FANCL: variants seen among roughly 807,000 people sequenced by gnomAD.
FANCL encodes the protein FA complementation group L.
Under a neutral mutation model 59.4 loss-of-function variants are expected in FANCL, and 69 were observed. The observed-to-expected ratio is 1.16, with a 90% confidence interval of 0.96 to 1.42. The LOEUF is 1.42. Ranked by LOEUF, FANCL falls within the 40% of genes most tolerant of loss-of-function variation. The probability of loss-of-function intolerance (pLI) is 0.00; values close to 1 mark genes in which losing one functional copy is unlikely to be tolerated. For synonymous variants in FANCL, 180 were observed against 147.1 expected, an observed-to-expected ratio of 1.22 and a Z score of -1.62; for missense variants, 519 against 447.2, an observed-to-expected ratio of 1.16 and a Z score of -1.45.
intron 2 of FANCL, among the ~76,000 whole-genome samples, chr2:58,230,901 T>G (rs2103902668): frequency 6.6e-6 from 1 of 151,850 alleles, no homozygotes; most frequent in East Asian, 1.9e-4. Context: ...TCATAACTCC[T>G]TCTTGAATGC....
At chr2:58,184,460 T>G (rs183610870) in intron 7 of FANCL, among the ~76,000 whole-genome samples, 1 of 152,054 alleles carries the variant, frequency 6.6e-6, no homozygotes, top group Non-Finnish European at 1.5e-5. Flanking sequence ...TTAACAGGAA[T>G]AGCAAAACAA....
intron 4 of FANCL, among the ~76,000 whole-genome samples, chr2:58,223,649 G>C (rs1260547897): frequency 6.6e-6 from 1 of 151,936 alleles, no homozygotes; most frequent in South Asian, 2.1e-4. Flanking sequence ...ACAAACAGAA[G>C]TTTTAAATAC....
chr2:58,203,248 A>G (rs1052087159), intron 6 of FANCL, among the ~76,000 whole-genome samples: 2 of 151,906 alleles, frequency 1.3e-5, no homozygotes, highest in African/African-American at 4.8e-5. Context: ...CCACTATAAG[A>G]TATCAACTTT....
chr2:58,186,161 A>T (rs1197056000), intron 7 of FANCL, among the ~76,000 whole-genome samples: 2 of 152,184 alleles, frequency 1.3e-5, no homozygotes, highest in Non-Finnish European at 2.9e-5. Flanking sequence ...TTATAAATTG[A>T]TTTTAAAGAA....
At chr2:58,210,773 G>T (rs1046012439) in intron 5 of FANCL, among the ~76,000 whole-genome samples, 1 of 152,182 alleles carries the variant, frequency 6.6e-6, no homozygotes, top group African/African-American at 2.4e-5. Context: ...CAGGCCCCAT[G>T]CAAGTCCAAA....
At chr2:58,169,197 C>G (rs1246816440) in intron 7 of FANCL, among the ~76,000 whole-genome samples, 1 of 152,152 alleles carries the variant, frequency 6.6e-6, no homozygotes, top group Admixed American at 6.5e-5. Context: ...GACGAAGCTT[C>G]CAGAGAAAGG....
Position 58,232,066 on chromosome 2 carries a change from A to C in FANCL, c.143T>G (p.Leu48Arg). 6.2e-7 allele frequency: 1 copy of C among 1,613,336 alleles called. No individual in the cohort carries two copies. The highest frequency in any genetic ancestry group is 8.5e-7 in the Non-Finnish European group (1 of 1,179,476). ...LRIVLPEDLQ[L>R]KNARLLCSWQ... is the part of the protein sequence containing the mutation. Reference sequence around the variant, plus strand: ...AACACCATATCACCTTGCATTCTTCAGTTGTAAATCTTCAGGCAACACTAT... The same window carrying C: ...AACACCATATCACCTTGCATTCTTCCGTTGTAAATCTTCAGGCAACACTAT... Residue 48 changes from leucine (L) to arginine (R), a missense_variant, in exon 2 of 14, where the codon CTG becomes CGG. Leu to Arg is a moderately radical substitution (Grantham distance 102). Transcript: ENST00000233741.
rs780185479 is a variant in FANCL at position 58,167,474 on chromosome 2, C to T, written c.541-1600G>A. Among the ~76,000 whole-genome samples, 24 of 151,950 alleles carry T rather than the reference C, an allele frequency of 1.6e-4. 1 individual carries two copies. Among genetic ancestry groups the T allele is most frequent in the Non-Finnish European group, 2.9e-4 (20 of 67,988 alleles). ...CGTAATTACCTATTCCTTTGTATAC[C>T]CAAGATAAGGTTAACTCCCCTGCCA... On this transcript the variant is annotated intron_variant, in intron 7 of 13. Coordinates refer to ENST00000233741, the MANE Select transcript of FANCL (RefSeq NM_018062.4).
intron 12 of FANCL, among the ~76,000 whole-genome samples, chr2:58,160,551 ACTC>A (rs1332616183): frequency 6.6e-6 from 1 of 151,778 alleles, no homozygotes; most frequent in Non-Finnish European, 1.5e-5. Flanking sequence ...CAAATTAACA[ACTC>A]CTGCTGTTAA....
In FANCL at chr2:58,161,571, C is replaced by T. The variant is rs1685176362; in HGVS notation, c.971G>A (p.Cys324Tyr). 1 of 1,611,470 alleles carries T rather than the reference C, an allele frequency of 6.2e-7. No individual in the cohort carries two copies. The change falls in exon 12 of 14, where the codon TGT (cysteine) becomes TAT (tyrosine). Residue 324 changes from cysteine (C) to tyrosine (Y), a missense_variant. Transcript: ENST00000233741. ...AGGTTGTCCACACTGAGAATTATCA[C>T]ACACTTGATCAGGAATGGTACCGTC... Reference protein sequence around the residue: ...QLDGTIPDQVCDNSQCGQPFH... With the variant: ...QLDGTIPDQVYDNSQCGQPFH...
intron 7 of FANCL, among the ~76,000 whole-genome samples, chr2:58,176,579 G>A (rs1432436861): frequency 1.3e-5 from 2 of 152,180 alleles, no homozygotes; most frequent in African/African-American, 2.4e-5. Flanking sequence ...CTAGCTATAT[G>A]TAGGAAGCTG....
intron 5 of FANCL, among the ~76,000 whole-genome samples, chr2:58,219,157 AAAAAAAAAAAAAAAATATATATATAT>A (rs1464900774): frequency 2.2e-4 from 21 of 94,312 alleles, no homozygotes; most frequent in African/African-American, 4.9e-4. Context: ...AAAAAAAAAA[AAAAAAAAAAAAAAAATATATATATAT>A]ATATATATAT....
intron 2 of FANCL, 42 bp downstream of exon 2, chr2:58,232,012 C>T (rs1264121916): frequency 6.3e-7 from 1 of 1,582,054 alleles, no homozygotes; most frequent in South Asian, 1.1e-5. Context: ...CCTGTCCCAC[C>T]AAAATGCAAA....
chr2:58,215,831 C>T (rs1212000226), intron 5 of FANCL, among the ~76,000 whole-genome samples: 1 of 151,736 alleles, frequency 6.6e-6, no homozygotes, highest in Non-Finnish European at 1.5e-5. Context: ...GCCAATATTC[C>T]CTCAAAACTT....
chr2:58,213,315 C>G (rs1342581329), intron 5 of FANCL, among the ~76,000 whole-genome samples: 1 of 152,206 alleles, frequency 6.6e-6, no homozygotes, highest in Non-Finnish European at 1.5e-5. Flanking sequence ...CAGCACAGTT[C>G]AGGTCTCAGC....
chr2:58,190,468 GA>G (rs34333134), intron 7 of FANCL, among the ~76,000 whole-genome samples: 20,309 of 88,426 alleles, frequency 0.23, 1,360 homozygotes, highest in African/African-American at 0.37. Context: ...TATTCAAAAA[GA>G]AAAAAAAAAA....
intron 7 of FANCL, among the ~76,000 whole-genome samples, chr2:58,175,359 G>T (rs965739525): frequency 6.7e-6 from 1 of 149,774 alleles, no homozygotes; most frequent in African/African-American, 2.5e-5. Context: ...CAATATCCTT[G>T]ATGAACATTG....
chr2:58,163,275 C>A (rs559060988), intron 9 of FANCL, 159 bp downstream of exon 9: 8 of 724,506 alleles, frequency 1.1e-5, no homozygotes, highest in Middle Eastern at 3.1e-4. Context: ...GAACCGAGAT[C>A]GCGCCATTAC....
intron 11 of FANCL, among the ~76,000 whole-genome samples, chr2:58,162,125 T>C (rs1254773789): frequency 1.3e-5 from 2 of 151,930 alleles, no homozygotes; most frequent in East Asian, 1.9e-4. Flanking sequence ...GGAATTGATA[T>C]TAGCTAGTGA....
Sources: gnomAD v4.1 joint callset for allele counts (sites outside exome capture counted in the v4.1 genomes callset) on GRCh38, gnomAD v4.1.1 for gene constraint, MANE v1.5 for transcripts, NCBI Gene and HGNC (gene_info 2026-07-23, HGNC 2026-07-21) for gene names.